CNTNAP2: variants seen among roughly 807,000 people sequenced by gnomAD.
CNTNAP2 encodes the protein contactin associated protein 2, also known as contactin-associated protein-like 2.
Under a neutral mutation model 155.2 loss-of-function variants are expected in CNTNAP2, and 98 were observed. The ratio of observed to expected loss-of-function variants is 0.63; its 90% CI spans 0.54 to 0.75. The LOEUF (loss-of-function observed/expected upper bound fraction) is 0.75, where lower values mean the gene tolerates loss of function less well. Ranked by LOEUF, CNTNAP2 falls within the 30% of genes least tolerant of loss-of-function variation. CNTNAP2 has a pLI of 0.00. For missense variants in CNTNAP2, 1,727 were observed against 1,688.1 expected (o/e 1.02, Z -0.40); for synonymous variants, 651 against 631.2 (o/e 1.03, Z -0.47).
chr7:146,597,451 G>A (rs903455146), intron 1 of CNTNAP2, among the ~76,000 whole-genome samples: 2 of 151,812 alleles, frequency 1.3e-5, no homozygotes, highest in African/African-American at 4.8e-5. Context: ...TAAATTATAT[G>A]GCTTAATTAT....
intron 15 of CNTNAP2, among the ~76,000 whole-genome samples, chr7:148,102,796 C>A (rs1003315734): frequency 6.6e-6 from 1 of 152,096 alleles, no homozygotes; most frequent in Non-Finnish European, 1.5e-5. Flanking sequence ...CTGTGGTAAC[C>A]ATTGTTGAAC....
chr7:147,597,218 T>A (rs1420157816), intron 12 of CNTNAP2, among the ~76,000 whole-genome samples: 2 of 152,150 alleles, frequency 1.3e-5, no homozygotes, highest in Non-Finnish European at 2.9e-5. Context: ...GATCCAAGAA[T>A]CCTCTCTTGG....
intron 6 of CNTNAP2, chr7:147,121,774 T>C (rs1267981592): frequency 1.3e-5 from 2 of 152,286 alleles, no homozygotes; most frequent in East Asian, 1.9e-4. Flanking sequence ...AATAAAAATA[T>C]ATTCTCATAG....
chr7:147,151,356 T>C (rs1183490343), intron 8 of CNTNAP2, among the ~76,000 whole-genome samples: 1 of 152,144 alleles, frequency 6.6e-6, no homozygotes, highest in African/African-American at 2.4e-5. Context: ...ATAATTACTC[T>C]TTTGTAATGT....
At chr7:148,286,099 ATCT>A (rs1797077201) in intron 21 of CNTNAP2, among the ~76,000 whole-genome samples, 1 of 152,192 alleles carries the variant, frequency 6.6e-6, no homozygotes, top group African/African-American at 2.4e-5. Context: ...CTTCATCCTC[ATCT>A]TCTTCACATT....
chr7:146,988,424 T>C (rs950688880), intron 3 of CNTNAP2, among the ~76,000 whole-genome samples: 2 of 152,086 alleles, frequency 1.3e-5, no homozygotes, highest in African/African-American at 4.8e-5. Context: ...TTCACAGAGG[T>C]AGAAAAAATA....
chr7:147,811,252 G>A (rs1231204958), intron 13 of CNTNAP2, among the ~76,000 whole-genome samples: 10 of 152,036 alleles, frequency 6.6e-5, no homozygotes, highest in African/African-American at 9.7e-5. Flanking sequence ...GTGCAACCAC[G>A]CTCAGCTGAT....
chr7:147,007,868 T>G (rs898790263), intron 3 of CNTNAP2, among the ~76,000 whole-genome samples: 5 of 152,152 alleles, frequency 3.3e-5, no homozygotes, highest in African/African-American at 1.2e-4. Flanking sequence ...ATTTCCTTAA[T>G]AGCTTTTGAC....
chr7:147,716,332 C>T (rs980142749), intron 13 of CNTNAP2, among the ~76,000 whole-genome samples: 2 of 151,986 alleles, frequency 1.3e-5, no homozygotes, highest in South Asian at 4.1e-4. Context: ...CTACAGAGAA[C>T]GGTTCTGGAA....
At chr7:147,247,912 A>G (rs1804100974) in intron 8 of CNTNAP2, among the ~76,000 whole-genome samples, 1 of 152,188 alleles carries the variant, frequency 6.6e-6, no homozygotes, top group African/African-American at 2.4e-5. Context: ...AGGTATATAG[A>G]AATTTTAAAA....
At chr7:146,441,841 CAAG>C (rs1299304600) in intron 1 of CNTNAP2, among the ~76,000 whole-genome samples, 1 of 151,420 alleles carries the variant, frequency 6.6e-6, no homozygotes. Context: ...GTCTCTTTCC[CAAG>C]AAGTCTCATG....
intron 3 of CNTNAP2, among the ~76,000 whole-genome samples, chr7:146,982,388 A>T (rs1444685705): frequency 6.6e-6 from 1 of 152,090 alleles, no homozygotes; most frequent in Non-Finnish European, 1.5e-5. Context: ...TTTTTTGAGA[A>T]GTTTTTGTTG....
chr7:148,354,514 TGCC>T (rs1798478947), intron 21 of CNTNAP2, among the ~76,000 whole-genome samples: 1 of 151,968 alleles, frequency 6.6e-6, no homozygotes, highest in South Asian at 2.1e-4. Flanking sequence ...AGGGACTGCC[TGCC>T]TCCTCCCTCC....
intron 3 of CNTNAP2, among the ~76,000 whole-genome samples, chr7:146,950,243 G>A (rs915045680): frequency 1.3e-5 from 2 of 152,046 alleles, no homozygotes; most frequent in Non-Finnish European, 1.5e-5. Flanking sequence ...AAGATAAATG[G>A]TTAATAACCT....
intron 15 of CNTNAP2, among the ~76,000 whole-genome samples, chr7:148,009,585 T>G (rs1802038344): frequency 6.6e-6 from 1 of 152,160 alleles, no homozygotes; most frequent in Admixed American, 6.5e-5. Flanking sequence ...GTAACTGAAA[T>G]TTATGCATAT....
At chr7:147,353,032 TA>T (rs1275724004) in intron 9 of CNTNAP2, among the ~76,000 whole-genome samples, 1 of 151,708 alleles carries the variant, frequency 6.6e-6, no homozygotes, top group African/African-American at 2.4e-5. Flanking sequence ...GTCACTCATA[TA>T]AAGTGAGATA....
At chr7:146,783,141 G>C (rs2129187505) in intron 2 of CNTNAP2, among the ~76,000 whole-genome samples, 1 of 152,164 alleles carries the variant, frequency 6.6e-6, no homozygotes, top group South Asian at 2.1e-4. Flanking sequence ...ATTTTTAAGT[G>C]TTGTTTTGTT....
intron 3 of CNTNAP2, among the ~76,000 whole-genome samples, chr7:146,879,158 G>A (rs1380134152): frequency 6.6e-6 from 1 of 152,072 alleles, no homozygotes; most frequent in Non-Finnish European, 1.5e-5. Flanking sequence ...TTGCCCTGTG[G>A]CAGGCATCAT....
chr7:146,618,984 C>T (rs1037115222), intron 1 of CNTNAP2, among the ~76,000 whole-genome samples: 12 of 151,362 alleles, frequency 7.9e-5, no homozygotes, highest in East Asian at 7.8e-4. Flanking sequence ...GTAGGAGAAT[C>T]GCTTGAACCC....
Sources: allele counts gnomAD v4.1 joint callset (sites outside exome capture counted in the v4.1 genomes callset), GRCh38; gene constraint gnomAD v4.1.1; transcripts MANE v1.5; gene names NCBI Gene and HGNC (gene_info 2026-07-23, HGNC 2026-07-21).